Variants in SHKBP1 observed in about 807,000 individuals in gnomAD.
The protein encoded by SHKBP1 is SH3KBP1 binding protein 1.
Under a neutral mutation model 83.9 loss-of-function variants are expected in SHKBP1, and 71 were observed. The ratio of observed to expected loss-of-function variants is 0.85; its 90% confidence interval spans 0.70 to 1.03. The LOEUF (loss-of-function observed/expected upper bound fraction) is 1.03. SHKBP1 is among the 50% of genes least tolerant of loss of function. The pLI is 0.00. For missense variants in SHKBP1, 824 were observed against 982.4 expected (o/e 0.84, Z 2.16); for synonymous variants, 371 against 398.0 (o/e 0.93, Z 0.81).
At chr19:40,579,613 A>G (rs944643051) in intron 6 of SHKBP1, among the ~76,000 whole-genome samples, 22 of 152,126 alleles carry the variant, frequency 1.4e-4, no homozygotes, top group Admixed American at 7.2e-4. Flanking sequence ...GCAGTGAACT[A>G]TGATCACTCA....
rs571526247 is a variant in SHKBP1 at position 40,590,279 on chromosome 19, C to T, written c.1625C>T (p.Thr542Met). 1.0e-5 allele frequency: 16 copies of T among 1,605,720 alleles called. No individual in the cohort carries two copies. The highest frequency in any genetic ancestry group is 4.0e-5 in the African/African-American group (3 of 74,788). Reference protein sequence around the residue: ...CSVRSVDGSPTTAFTVLECEG... With the variant: ...CSVRSVDGSPMTAFTVLECEG... Reference sequence around the variant, plus strand: ...GTGCGCTCCGTGGACGGCTCACCCACGACAGCCTTCACAGTGCTGGAGTGC... The same window carrying T: ...GTGCGCTCCGTGGACGGCTCACCCATGACAGCCTTCACAGTGCTGGAGTGC... The change falls in exon 16 of 18, where the codon ACG (threonine) becomes ATG (methionine). Residue 542 changes from threonine (T) to methionine (M), a missense_variant. Physicochemically the swap from Thr to Met is moderately conservative, Grantham distance 81. Transcript: ENST00000291842. This position sits in a 1 kb window ranked among gnomAD's most constrained non-coding sequence, Gnocchi z 4.6.
At position 40,590,062 on chromosome 19, in the gene SHKBP1, G is replaced by A. The variant is rs1196885883; in HGVS notation, c.1590-182G>A. 1.3e-5 allele frequency: 8 copies of A among 639,926 alleles called. No homozygotes were observed. In the East Asian group the frequency reaches 2.1e-4, roughly 17 times the overall value. 39.6% of individuals were successfully genotyped at this position (639,926 alleles called of 1,614,324 possible). A position where few individuals can be genotyped will look rare whatever the true frequency, so the allele number is the denominator to read the frequency against. ...AGAAGCTCTGGGAGACTCCCTGGGT[G>A]TTTGGGGCTGCGGTGTCCAAGAGCT... On this transcript the variant is annotated intron_variant, in intron 15 of 17. Transcript: ENST00000291842. The surrounding 1 kb of genome is among the most constrained non-coding windows in gnomAD (Gnocchi z 4.6).
At position 40,588,884 on chromosome 19, in the gene SHKBP1, C is replaced by T. The variant is rs577741897; in HGVS notation, c.1492+105C>T. On this transcript the variant is annotated intron_variant, in intron 14 of 17. Coordinates refer to ENST00000291842, the MANE Select transcript of SHKBP1 (RefSeq NM_138392.4). Reference sequence around the variant, plus strand: ...GGCCACCTGACCCAGGAGCCTGCAACGATTGGGGTGTCCTGATCCTTGAGG... The same window carrying T: ...GGCCACCTGACCCAGGAGCCTGCAATGATTGGGGTGTCCTGATCCTTGAGG... 7.0e-5 allele frequency: 103 copies of T among 1,463,944 alleles called. No homozygotes were observed. The South Asian group carries it at 8.9e-4, about 13-fold the overall frequency. 90.7% of individuals were successfully genotyped at this position (1,463,944 alleles called of 1,614,324 possible).
Position 40,576,950 on chromosome 19 carries a change from C to G in SHKBP1, c.51C>G (p.Pro17=), listed in dbSNP as rs527305558. The G allele has an allele frequency of 1.7e-4, 257 of 1,503,016 alleles. 1 individual carries two copies. The highest frequency in any genetic ancestry group is 3.7e-4 in the Admixed American group (14 of 37,998). The allele number at this position is 1,503,016 out of a possible 1,614,324, so 93.1% of individuals were successfully genotyped here. ...AAEGVPSRGP[P]GEVIHLNVGG... is the part of the protein sequence containing the mutation. ...AGGGGGTCCCCAGTCGGGGGCCTCC[C>G]GGGGAAGTCATTCATCTGAATGTGG... The change falls in exon 1 of 18, where the codon CCC becomes CCG. Residue 17 remains proline (P), a synonymous_variant. Coordinates refer to ENST00000291842, the MANE Select transcript of SHKBP1 (RefSeq NM_138392.4).
intron 12 of SHKBP1, among the ~76,000 whole-genome samples, chr19:40,584,209 G>A (rs775385764): frequency 4.6e-5 from 7 of 152,166 alleles, no homozygotes; most frequent in Non-Finnish European, 7.3e-5. Flanking sequence ...CACGTTCTAG[G>A]TGCTAGATGG....
At position 40,590,919 on chromosome 19, in the gene SHKBP1, G is replaced by A. The variant is rs8106578; in HGVS notation, c.1893-57G>A. On this transcript the variant is annotated intron_variant, in intron 17 of 17. Coordinates refer to ENST00000291842, the MANE Select transcript of SHKBP1 (RefSeq NM_138392.4). This position sits in a 1 kb window ranked among gnomAD's most constrained non-coding sequence, Gnocchi z 4.6. ...GAGGGGACAGCATGGTGTTCCCGGG[G>A]ACAGAGTGGCCCAGCTGCCCCGTGA... 133,491 of 1,571,190 alleles carry A rather than the reference G, an allele frequency of 0.085. 6,229 individuals carry two copies. The highest frequency in any genetic ancestry group is 0.12 in the Middle Eastern group (708 of 5,882).
At position 40,590,722 on chromosome 19, in the gene SHKBP1, C is replaced by T. The variant is rs1209874027; in HGVS notation, c.1769-8C>T. On this transcript the variant is annotated splice_polypyrimidine_tract_variant and splice_region_variant and intron_variant, in intron 16 of 17. Coordinates refer to ENST00000291842, the MANE Select transcript of SHKBP1 (RefSeq NM_138392.4). The surrounding 1 kb of genome is among the most constrained non-coding windows in gnomAD (Gnocchi z 4.6). Reference sequence around the variant, plus strand: ...CTTGCCCCCTGACCCTGCTTCCGTGCCCCCCAGCAGGTGGCCTGACGGAGC... The same window carrying T: ...CTTGCCCCCTGACCCTGCTTCCGTGTCCCCCAGCAGGTGGCCTGACGGAGC... 1 of 1,576,288 alleles carries T rather than the reference C, an allele frequency of 6.3e-7. No individual in the cohort carries two copies. The highest frequency in any genetic ancestry group is 8.7e-7 in the Non-Finnish European group (1 of 1,156,018).
rs762505117 is a variant in SHKBP1 at position 40,590,282 on chromosome 19, C to T, written c.1628C>T (p.Thr543Ile). The change falls in exon 16 of 18, where the codon ACA becomes ATA. Residue 543 changes from threonine (T) to isoleucine (I), a missense_variant. This residue lies in a region of SHKBP1 where 287 missense variants were observed against 322.9 expected (regional missense o/e 0.89). Coordinates refer to ENST00000291842, the MANE Select transcript of SHKBP1 (RefSeq NM_138392.4). This position sits in a 1 kb window ranked among gnomAD's most constrained non-coding sequence, Gnocchi z 4.6. ...SVRSVDGSPT[T>I]AFTVLECEGS... is the part of the protein sequence containing the mutation. ...CGCTCCGTGGACGGCTCACCCACGA[C>T]AGCCTTCACAGTGCTGGAGTGCGAG... 11 of 1,606,294 alleles carry T rather than the reference C, an allele frequency of 6.8e-6. No homozygotes were observed. Among genetic ancestry groups the T allele is most frequent in the Admixed American group, 1.7e-5 (1 of 59,316 alleles).
chr19:40,578,588 A>G, intron 6 of SHKBP1, 46 bp downstream of exon 6: 1 of 1,559,072 alleles, frequency 6.4e-7, no homozygotes, highest in Non-Finnish European at 8.8e-7. Context: ...TGGGCCAAAG[A>G]CTACATTTCC....
rs772101142 is a variant in SHKBP1 at position 40,583,688 on chromosome 19, C to A, written c.1136C>A (p.Ala379Asp). The change falls in exon 12 of 18, where the codon GCC becomes GAC. Residue 379 changes from alanine to aspartate, a missense_variant. Physicochemically the swap from Ala to Asp is moderately radical, Grantham distance 126 (BLOSUM62 -2). Around this residue, in one of 3 missense-constraint regions of SHKBP1, gnomAD observed 182 missense variants for 273.1 expected, o/e 0.67. Transcript: ENST00000291842. ...YRDPAEDGVT[A>D]LSVYLTPKTS... ...GACCCAGCGGAGGATGGGGTCACCGCCCTCAGTGTCTACCTCACCCCCAAG... is the reference window on the plus strand; with the variant it reads ...GACCCAGCGGAGGATGGGGTCACCGACCTCAGTGTCTACCTCACCCCCAAG... 1.2e-6 allele frequency: 2 copies of A among 1,613,918 alleles called. No homozygotes were observed. Among genetic ancestry groups the A allele is most frequent in the East Asian group, 4.5e-5 (2 of 44,894 alleles).
At chr19:40,583,166 A>G (rs1396775845) in intron 10 of SHKBP1, among the ~76,000 whole-genome samples, 1 of 152,088 alleles carries the variant, frequency 6.6e-6, no homozygotes, top group East Asian at 1.9e-4. Flanking sequence ...AAAAATTAAA[A>G]CTTTAAAAAG....
Position 40,590,829 on chromosome 19 carries a change from C to A in SHKBP1, c.1868C>A (p.Pro623His), listed in dbSNP as rs1345676321. Reference sequence around the variant, plus strand: ...CCCTCATGGGGCTGTCTCCCCAGCCCCTCACCCCGCATCTCCCTCACCAGG... The same window carrying A: ...CCCTCATGGGGCTGTCTCCCCAGCCACTCACCCCGCATCTCCCTCACCAGG... ...SAPSWGCLPS[P>H]SPRISLTSLH... Residue 623 changes from proline to histidine, a missense_variant, in exon 17 of 18, where the codon CCC becomes CAC. By Grantham distance (77) the Pro-to-His change is moderately conservative. Transcript: ENST00000291842. This position sits in a 1 kb window ranked among gnomAD's most constrained non-coding sequence, Gnocchi z 4.6. 3 of 1,590,350 alleles carry A rather than the reference C, an allele frequency of 1.9e-6. No individual in the cohort carries two copies. Among genetic ancestry groups the A allele is most frequent in the African/African-American group, 1.3e-5 (1 of 74,654 alleles).
intron 6 of SHKBP1, among the ~76,000 whole-genome samples, chr19:40,579,673 A>AAAACG (rs1205857219): frequency 6.6e-6 from 1 of 152,146 alleles, no homozygotes; most frequent in East Asian, 1.9e-4. Flanking sequence ...AAAACAAAAC[A>AAAACG]AAACGAAAAA....
At chr19:40,580,964 C>T (rs374853526) in intron 9 of SHKBP1, 28 bp downstream of exon 9, 141 of 1,504,558 alleles carry the variant, frequency 9.4e-5, no homozygotes, top group Non-Finnish European at 1.2e-4. Flanking sequence ...TTCCAGAACC[C>T]TCTGTCCTTT....
Position 40,590,417 on chromosome 19 carries a change from C to T in SHKBP1, c.1763C>T (p.Ala588Val), listed in dbSNP as rs200531920. ...ACCGCCATGGACGGCCTCGGCCAGG[C>T]CCCTGGTACTCCCTGCCCCACCCCA... ...LTTAMDGLGQ[A>V]PAGGLTEQEL... Residue 588 changes from alanine to valine, a missense_variant, in exon 16 of 18, where the codon GCC becomes GTC. Physicochemically the swap from Ala to Val is moderately conservative, Grantham distance 64 (BLOSUM62 0). Coordinates refer to ENST00000291842, the MANE Select transcript of SHKBP1 (RefSeq NM_138392.4). This position sits in a 1 kb window ranked among gnomAD's most constrained non-coding sequence, Gnocchi z 4.6. 2.5e-6 allele frequency: 4 copies of T among 1,603,802 alleles called. No individual in the cohort carries two copies. Among genetic ancestry groups the T allele is most frequent in the Non-Finnish European group, 2.6e-6 (3 of 1,175,174 alleles).
intron 15 of SHKBP1, 32 bp downstream of exon 15, chr19:40,589,210 G>T: frequency 1.3e-6 from 2 of 1,485,492 alleles, no homozygotes; most frequent in South Asian, 1.2e-5. Flanking sequence ...AGGGAGGGAG[G>T]ACAGTCCTGT....
chr19:40,580,714 T>C (rs765685605), intron 8 of SHKBP1, 32 bp from the exon 9 acceptor site: 129 of 1,613,532 alleles, frequency 8.0e-5, no homozygotes, highest in African/African-American at 1.1e-4. Context: ...GGGCATGCGG[T>C]GAGGGTTGGT....
rs563370047 is a variant in SHKBP1, at chr19:40,579,277, C to T, written c.400+735C>T. Among the ~76,000 whole-genome samples, 63 of 151,862 alleles carry T rather than the reference C, an allele frequency of 4.1e-4. No homozygotes were observed. In the South Asian group the frequency reaches 0.01, roughly 25 times the overall value. ...GACTACAAGCACTCGCCACCATGCC[C>T]GGCTAATTAAAAAAATAATAATCAT... is the stretch of plus-strand genomic sequence containing the variant. On this transcript the variant is annotated intron_variant, in intron 6 of 17. Transcript: ENST00000291842.
intron 6 of SHKBP1, among the ~76,000 whole-genome samples, chr19:40,578,827 GA>G (rs1214294630): frequency 6.6e-6 from 1 of 152,114 alleles, no homozygotes; most frequent in Non-Finnish European, 1.5e-5. Flanking sequence ...GAAGACCTGG[GA>G]TTCTTCGTAT....
Sources: gnomAD v4.1 joint callset for allele counts (sites outside exome capture counted in the v4.1 genomes callset) on GRCh38, gnomAD v4.1.1 for gene constraint, gnomAD v4.1.1 regional missense constraint, Gnocchi (gnomAD v3.1) non-coding constraint, MANE v1.5 for transcripts, NCBI Gene and HGNC (gene_info 2026-07-23, HGNC 2026-07-21) for gene names.